The following DOK5 variants were observed in gnomAD, a reference collection of about 807,000 sequenced individuals.
The protein encoded by DOK5 is docking protein 5.
Under a neutral mutation model 43.3 loss-of-function variants are expected in DOK5, and 27 were observed. The ratio of observed to expected loss-of-function variants is 0.62; its 90% confidence interval spans 0.46 to 0.86. The LOEUF (loss-of-function observed/expected upper bound fraction) is 0.86. Ranked by LOEUF, DOK5 falls within the 40% of genes least tolerant of loss-of-function variation. The probability of loss-of-function intolerance (pLI) is 0.00; values close to 1 mark genes in which losing one functional copy is unlikely to be tolerated. For missense variants in DOK5, 373 were observed against 392.9 expected, an observed-to-expected ratio of 0.95 and a Z score of 0.43; for synonymous variants, 146 against 140.1, an observed-to-expected ratio of 1.04 and a Z score of -0.30.
intron 6 of DOK5, among the ~76,000 whole-genome samples, chr20:54,612,804 C>G (rs567661520): frequency 1.3e-4 from 20 of 152,286 alleles, no homozygotes; most frequent in African/African-American, 3.4e-4. Flanking sequence ...TGCCATCATA[C>G]AGTGTTCAAG....
chr20:54,617,180 G>T (rs1343937197), intron 6 of DOK5, among the ~76,000 whole-genome samples: 2 of 152,096 alleles, frequency 1.3e-5, no homozygotes, highest in African/African-American at 4.8e-5. Flanking sequence ...GCTGGCTGTT[G>T]GACAGAGGCC....
intron 1 of DOK5, among the ~76,000 whole-genome samples, chr20:54,528,429 A>G (rs899914832): frequency 6.7e-6 from 1 of 148,952 alleles, no homozygotes; most frequent in Non-Finnish European, 1.5e-5. Flanking sequence ...CTGCTCCACC[A>G]TTCTTGTATA....
At chr20:54,509,913 G>A (rs1034372961) in intron 1 of DOK5, among the ~76,000 whole-genome samples, 1 of 151,342 alleles carries the variant, frequency 6.6e-6, no homozygotes, top group Non-Finnish European at 1.5e-5. Flanking sequence ...GTCCATTGGA[G>A]GCTTTCAGAC....
At chr20:54,498,172 C>T (rs6014035) in intron 1 of DOK5, among the ~76,000 whole-genome samples, 21 of 152,202 alleles carry the variant, frequency 1.4e-4, no homozygotes, top group Admixed American at 3.3e-4. Flanking sequence ...TTTTGTGTTG[C>T]AGGAGAATTA....
chr20:54,520,661 ATAGTCC>A (rs1318001016), intron 1 of DOK5, among the ~76,000 whole-genome samples: 1 of 152,088 alleles, frequency 6.6e-6, no homozygotes, highest in African/African-American at 2.4e-5. Context: ...GTGTGTGCTT[ATAGTCC>A]TAGCTACTTG....
At chr20:54,502,880 T>C (rs1377718073) in intron 1 of DOK5, among the ~76,000 whole-genome samples, 1 of 152,214 alleles carries the variant, frequency 6.6e-6, no homozygotes, top group Non-Finnish European at 1.5e-5. Context: ...ACAATGCATA[T>C]CTTTACATAA....
chr20:54,492,701 T>C (rs981163933), intron 1 of DOK5, among the ~76,000 whole-genome samples: 4 of 151,352 alleles, frequency 2.6e-5, no homozygotes, highest in Non-Finnish European at 5.9e-5. Context: ...TGTGTGTGTG[T>C]GTGTGTGTGT....
In DOK5 at chr20:54,519,051, A is replaced by G. The variant is rs149999009; in HGVS notation, c.67-35882A>G. On this transcript the variant is annotated intron_variant, in intron 1 of 7. Coordinates refer to ENST00000262593, the MANE Select transcript of DOK5 (RefSeq NM_018431.5). Reference sequence around the variant, plus strand: ...ATGGCGATCATTAAAAAGTCAGGAAACAACAGGTGCTGGAGAGGATGTGAA... The same window carrying G: ...ATGGCGATCATTAAAAAGTCAGGAAGCAACAGGTGCTGGAGAGGATGTGAA... Among the ~76,000 whole-genome samples the G allele has an allele frequency of 4.6e-3, 708 of 152,278 alleles. 6 individuals are homozygous for G. Among genetic ancestry groups the G allele is most frequent in the African/African-American group, 0.016 (661 of 41,552 alleles).
chr20:54,524,042 G>A (rs1209458068), intron 1 of DOK5, among the ~76,000 whole-genome samples: 1 of 151,824 alleles, frequency 6.6e-6, no homozygotes, highest in African/African-American at 2.4e-5. Context: ...TTAAATGGGG[G>A]TTAACAATGG....
At position 54,571,437 on chromosome 20, in the gene DOK5, G is replaced by A. The variant is rs1191765636; in HGVS notation, c.174+16397G>A. 2.6e-5 allele frequency among the ~76,000 whole-genome samples: 4 copies of A among 152,158 alleles called. No individual in the cohort carries two copies. The South Asian group carries it at 6.2e-4, about 24-fold the overall frequency. On this transcript the variant is annotated intron_variant, in intron 2 of 7. Coordinates refer to ENST00000262593, the MANE Select transcript of DOK5 (RefSeq NM_018431.5). ...TGAGTGGTGCTTCTTATAGTTGTAT[G>A]AGGCAGCTGCCTTGTTCATTGTCCA...
chr20:54,560,188 C>T (rs1350770371), intron 2 of DOK5, among the ~76,000 whole-genome samples: 1 of 152,200 alleles, frequency 6.6e-6, no homozygotes, highest in Non-Finnish European at 1.5e-5. Context: ...TCTTCCTCAT[C>T]TAAAACATTT....
chr20:54,644,578 C>T (rs1163164723), intron 7 of DOK5, among the ~76,000 whole-genome samples: 7 of 151,760 alleles, frequency 4.6e-5, no homozygotes, highest in East Asian at 3.9e-4. Context: ...TGGTGGCGGG[C>T]GCCTGTAGTC....
At chr20:54,495,310 C>T (rs1982348948) in intron 1 of DOK5, among the ~76,000 whole-genome samples, 1 of 152,066 alleles carries the variant, frequency 6.6e-6, no homozygotes, top group African/African-American at 2.4e-5. Context: ...AGCAGCTCTT[C>T]CTGAGTACCT....
chr20:54,518,492 T>C (rs1347194812), intron 1 of DOK5, among the ~76,000 whole-genome samples: 1 of 152,178 alleles, frequency 6.6e-6, no homozygotes, highest in Non-Finnish European at 1.5e-5. Flanking sequence ...CCATGGTGTA[T>C]ATGTGCCACA....
At chr20:54,537,721 G>T (rs991732098) in intron 1 of DOK5, among the ~76,000 whole-genome samples, 2 of 151,922 alleles carry the variant, frequency 1.3e-5, no homozygotes, top group Non-Finnish European at 1.5e-5. Context: ...TGTCAACAGG[G>T]CCCAGAAGGA....
chr20:54,524,121 A>G (rs967785526), intron 1 of DOK5, among the ~76,000 whole-genome samples: 2 of 152,096 alleles, frequency 1.3e-5, no homozygotes, highest in East Asian at 3.9e-4. Context: ...ATGCCCTCCC[A>G]CTGTGAGATG....
intron 1 of DOK5, among the ~76,000 whole-genome samples, chr20:54,551,598 C>T (rs572959131): frequency 6.6e-6 from 1 of 151,956 alleles, no homozygotes; most frequent in African/African-American, 2.4e-5. Context: ...ATGTTTAAGT[C>T]GACGATTTTT....
At position 54,525,764 on chromosome 20, in the gene DOK5, A is replaced by T. The variant is rs7266661; in HGVS notation, c.67-29169A>T. On this transcript the variant is annotated intron_variant, in intron 1 of 7. Coordinates refer to ENST00000262593, the MANE Select transcript of DOK5 (RefSeq NM_018431.5). ...TGTTTTACTGCCAATTTTTACGATG[A>T]AAAAATTTTTGTGGTTTTGCAAAGG... Among the ~76,000 whole-genome samples, 1,268 of 152,308 alleles carry T rather than the reference A, an allele frequency of 8.3e-3. 29 individuals carry two copies. Among genetic ancestry groups the T allele is most frequent in the African/African-American group, 0.029 (1,216 of 41,568 alleles).
At chr20:54,610,963 A>T (rs1392705006) in intron 6 of DOK5, among the ~76,000 whole-genome samples, 2 of 152,190 alleles carry the variant, frequency 1.3e-5, no homozygotes, top group African/African-American at 4.8e-5. Context: ...AGAACAAGAG[A>T]TTGTGACATC....
Sources: gnomAD v4.1 joint callset for allele counts (sites outside exome capture counted in the v4.1 genomes callset) on GRCh38, gnomAD v4.1.1 for gene constraint, MANE v1.5 for transcripts, NCBI Gene and HGNC (gene_info 2026-07-23, HGNC 2026-07-21) for gene names.